Variants in OR51A2 observed in about 807,000 individuals in gnomAD.
OR51A2 encodes the protein olfactory receptor 51A2.
For missense variants in OR51A2, 111 were observed against 365.9 expected (o/e 0.30, Z 5.68); for synonymous variants, 55 against 139.1 (o/e 0.40, Z 4.25).
At position 4,955,440 on chromosome 11, in the gene OR51A2, G is replaced by T; in HGVS notation, c.274C>A (p.Pro92Thr). 1 of 1,179,448 alleles carries T rather than the reference G, an allele frequency of 8.5e-7. No individual in the cohort carries two copies. The highest frequency in any genetic ancestry group is 1.3e-5 in the South Asian group (1 of 78,082). The allele number at this position is 1,179,448 out of a possible 1,614,324, so 73.1% of individuals were successfully genotyped here. Reference sequence around the variant, plus strand: ...AAGCAGGCACTAGAAGAAGTTTCAGGGGCATTGAACAGGAAGATGCTTAAC... The same window carrying T: ...AAGCAGGCACTAGAAGAAGTTTCAGTGGCATTGAACAGGAAGATGCTTAAC... Reference protein sequence around the residue: ...TVLSIFLFNAPETSSSACFAQ... With the variant: ...TVLSIFLFNATETSSSACFAQ... The change falls in exon 1 of 1, where the codon CCT becomes ACT. Residue 92 changes from proline to threonine, a missense_variant. Coordinates refer to ENST00000380371, the MANE Select transcript of OR51A2 (RefSeq NM_001004748.1).
Position 4,955,512 on chromosome 11 carries a change from A to G in OR51A2, c.202T>C (p.Leu68=). The G allele has an allele frequency of 7.6e-7, 1 of 1,315,200 alleles. No individual in the cohort carries two copies. Among genetic ancestry groups the G allele is most frequent in the Non-Finnish European group, 1.1e-6 (1 of 932,520 alleles). The allele number at this position is 1,315,200 out of a possible 1,614,324, so 81.5% of individuals were successfully genotyped here. A position where few individuals can be genotyped will look rare whatever the true frequency, so the allele number is the denominator to read the frequency against. ...GACAAACCCAAGTCTGACATAGCCA[A>G]CATGGAAAGAAAATAGTACATGGGC... The part of the protein sequence containing the change: ...HGPMYYFLSM[L]AMSDLGLSLS... Residue 68 remains leucine, a synonymous_variant, in exon 1 of 1, where the codon TTG becomes CTG. Transcript: ENST00000380371.
rs143964649 is a variant in OR51A2, at chr11:4,955,201, G to T, written c.513C>A (p.Cys171Ter). ...AGGAATGGGATAATTGGTTTTTCTT[G>T]CAATATCTCAAGCTTCTTAAAGTGA... Reference protein sequence around the residue: ...FPFTLRSLRYCKKNQLSHSYC... With the variant: ...FPFTLRSLRY The change falls in exon 1 of 1, where the codon TGC (cysteine) becomes TGA (stop). Residue 171 changes from cysteine to a stop codon, truncating the protein, a stop_gained. Transcript: ENST00000380371. LOFTEE classifies it low-confidence loss of function (END_TRUNC). 7.8e-6 allele frequency: 10 copies of T among 1,284,244 alleles called. 1 individual carries two copies. The African/African-American group carries it at 1.4e-4, about 18-fold the overall frequency. The allele number at this position is 1,284,244 out of a possible 1,614,324, so 79.6% of individuals were successfully genotyped here.
At position 4,954,923 on chromosome 11, in the gene OR51A2, C is replaced by A. The variant is rs61744535; in HGVS notation, c.791G>T (p.Arg264Leu). The A allele has an allele frequency of 1.6e-4, 192 of 1,176,746 alleles. 52 individuals carry two copies. The highest frequency in any genetic ancestry group is 2.2e-4 in the Non-Finnish European group (186 of 827,236). 72.9% of individuals were successfully genotyped at this position (1,176,746 alleles called of 1,614,324 possible). ...GAGGGGAGAGACATGCCCGGCAAAGCGGTGGACAACGGCCAGGTTGATGAT... is the reference window on the plus strand; with the variant it reads ...GAGGGGAGAGACATGCCCGGCAAAGAGGTGGACAACGGCCAGGTTGATGAT... ...LPIINLAVVH[R>L]FAGHVSPLIN... The change falls in exon 1 of 1, where the codon CGC (arginine) becomes CTC (leucine). Residue 264 changes from arginine to leucine, a missense_variant. By Grantham distance (102) the Arg-to-Leu change is moderately radical (BLOSUM62 -2). Transcript: ENST00000380371.
Position 4,955,255 on chromosome 11 carries a change from C to G in OR51A2, c.459G>C (p.Lys153Asn). The G allele has an allele frequency of 7.9e-7, 1 of 1,271,500 alleles. No individual in the cohort carries two copies. The highest frequency in any genetic ancestry group is 1.1e-6 in the Non-Finnish European group (1 of 911,050). 78.8% of individuals were successfully genotyped at this position (1,271,500 alleles called of 1,614,324 possible). A position where few individuals can be genotyped will look rare whatever the true frequency, so the allele number is the denominator to read the frequency against. ...GGAAGGGAAGAACCAGGAGCATGCT[C>G]TTAAAGGAGAATACTATCCCTATTT... ...VAQIGIVFSF[K>N]SMLLVLPFPF... The change falls in exon 1 of 1, where the codon AAG (lysine) becomes AAC (asparagine). Residue 153 changes from lysine to asparagine, a missense_variant. Lys to Asn is a moderately conservative substitution (Grantham distance 94). Transcript: ENST00000380371.
At position 4,955,075 on chromosome 11, in the gene OR51A2, A is replaced by C. The variant is rs761242251; in HGVS notation, c.639T>G (p.Ile213Met). 6.9e-7 allele frequency: 1 copy of C among 1,450,192 alleles called. No individual in the cohort carries two copies. The highest frequency in any genetic ancestry group is 9.4e-7 in the Non-Finnish European group (1 of 1,063,038). 89.8% of individuals were successfully genotyped at this position (1,450,192 alleles called of 1,614,324 possible). ...TCAGGGTGTAAGACACAGCAATGAG[A>C]ATAAAGTCTACCATAAGGCAGAGTG... ...FGALCLMVDF[I>M]LIAVSYTLIL... Residue 213 changes from isoleucine (I) to methionine (M), a missense_variant, in exon 1 of 1, where the codon ATT (isoleucine) becomes ATG (methionine). Transcript: ENST00000380371.
rs747000247 is a variant in OR51A2 at position 4,955,038 on chromosome 11, C to G, written c.676G>C (p.Val226Leu). 2 of 1,450,668 alleles carry G rather than the reference C, an allele frequency of 1.4e-6. No homozygotes were observed. Among genetic ancestry groups the G allele is most frequent in the African/African-American group, 1.5e-5 (1 of 68,210 alleles). 89.9% of individuals were successfully genotyped at this position (1,450,668 alleles called of 1,614,324 possible). ...AVSYTLILKTVPGIASKKEEL... is the reference protein window; with the variant it reads ...AVSYTLILKTLPGIASKKEEL... ...TCCTTTTTGGATGCAATTCCCGGTACAGTCTTGAGGATCAGGGTGTAAGAC... is the reference window on the plus strand; with the variant it reads ...TCCTTTTTGGATGCAATTCCCGGTAGAGTCTTGAGGATCAGGGTGTAAGAC... The change falls in exon 1 of 1, where the codon GTA (valine) becomes CTA (leucine). Residue 226 changes from valine to leucine, a missense_variant. Transcript: ENST00000380371.
chr11:4,955,026 C>G lies in OR51A2; in HGVS notation c.688G>C (p.Ala230Pro). The G allele has an allele frequency of 7.0e-7, 1 of 1,437,842 alleles. No individual in the cohort carries two copies. Among genetic ancestry groups the G allele is most frequent in the Non-Finnish European group, 9.5e-7 (1 of 1,051,684 alleles). The allele number at this position is 1,437,842 out of a possible 1,614,324, so 89.1% of individuals were successfully genotyped here. A position where few individuals can be genotyped will look rare whatever the true frequency, so the allele number is the denominator to read the frequency against. ...GCCTTAAGCTCCTCCTTTTTGGATG[C>G]AATTCCCGGTACAGTCTTGAGGATC... ...TLILKTVPGI[A>P]SKKEELKALN... The change falls in exon 1 of 1, where the codon GCA (alanine) becomes CCA (proline). Residue 230 changes from alanine (A) to proline (P), a missense_variant. Coordinates refer to ENST00000380371, the MANE Select transcript of OR51A2 (RefSeq NM_001004748.1).
Position 4,955,003 on chromosome 11 carries a change from C to T in OR51A2, c.711G>A (p.Lys237=). Residue 237 remains lysine (K), a synonymous_variant, in exon 1 of 1, where the codon AAG becomes AAA. Coordinates refer to ENST00000380371, the MANE Select transcript of OR51A2 (RefSeq NM_001004748.1). Reference sequence around the variant, plus strand: ...TGTGTGAAACACAAGTATTGAGAGCCTTAAGCTCCTCCTTTTTGGATGCAA... The same window carrying T: ...TGTGTGAAACACAAGTATTGAGAGCTTTAAGCTCCTCCTTTTTGGATGCAA... ...PGIASKKEEL[K]ALNTCVSHIC... 1 of 1,376,754 alleles carries T rather than the reference C, an allele frequency of 7.3e-7. No homozygotes were observed. The highest frequency in any genetic ancestry group is 1.2e-5 in the South Asian group (1 of 85,008). The allele number at this position is 1,376,754 out of a possible 1,614,324, so 85.3% of individuals were successfully genotyped here.
rs1339224724 is a variant in OR51A2 at position 4,955,170 on chromosome 11, G to A, written c.544C>T (p.Leu182Phe). ...KKNQLSHSYC[L>F]HQDVMKLACS... ...GCCAACTTCATGACATCCTGGTGGA[G>A]ACAGTAGGAATGGGATAATTGGTTT... Residue 182 changes from leucine to phenylalanine, a missense_variant, in exon 1 of 1, where the codon CTC (leucine) becomes TTC (phenylalanine). Physicochemically the swap from Leu to Phe is conservative, Grantham distance 22 (BLOSUM62 0). Transcript: ENST00000380371. 7.6e-7 allele frequency: 1 copy of A among 1,319,360 alleles called. No individual in the cohort carries two copies. The highest frequency in any genetic ancestry group is 1.6e-5 in the African/African-American group (1 of 64,060). 81.7% of individuals were successfully genotyped at this position (1,319,360 alleles called of 1,614,324 possible).
rs548913055 is a variant in OR51A2 at position 4,955,508 on chromosome 11, G to C, written c.206C>G (p.Ala69Gly). 1 of 1,313,222 alleles carries C rather than the reference G, an allele frequency of 7.6e-7. No homozygotes were observed. The highest frequency in any genetic ancestry group is 1.1e-6 in the Non-Finnish European group (1 of 931,832). 81.3% of individuals were successfully genotyped at this position (1,313,222 alleles called of 1,614,324 possible). The change falls in exon 1 of 1, where the codon GCT becomes GGT. Residue 69 changes from alanine to glycine, a missense_variant. Coordinates refer to ENST00000380371, the MANE Select transcript of OR51A2 (RefSeq NM_001004748.1). ...TAAAGACAAACCCAAGTCTGACATA[G>C]CCAACATGGAAAGAAAATAGTACAT... Reference protein sequence around the residue: ...GPMYYFLSMLAMSDLGLSLSS... With the variant: ...GPMYYFLSMLGMSDLGLSLSS...
Position 4,955,369 on chromosome 11 carries a change from T to G in OR51A2, c.345A>C (p.Ser115=). ...FIHGFSVLES[S]VLLIMSFDRF... ...TATCAAATGACATGATCAGGAGGACTGAGGACTCCAGTACTGAGAATCCAT... is the reference window on the plus strand; with the variant it reads ...TATCAAATGACATGATCAGGAGGACGGAGGACTCCAGTACTGAGAATCCAT... The change falls in exon 1 of 1, where the codon TCA becomes TCC. Residue 115 remains serine (S), a synonymous_variant. Coordinates refer to ENST00000380371, the MANE Select transcript of OR51A2 (RefSeq NM_001004748.1). 8.2e-7 allele frequency: 1 copy of G among 1,223,478 alleles called. No homozygotes were observed. The highest frequency in any genetic ancestry group is 1.1e-6 in the Non-Finnish European group (1 of 878,848). The allele number at this position is 1,223,478 out of a possible 1,614,324, so 75.8% of individuals were successfully genotyped here.
rs1379284595 is a variant in OR51A2, at chr11:4,954,877, A to G, written c.837T>C (p.Asn279=). The stretch of plus-strand genomic sequence containing the variant: ...TCAGCGGAGGTACAAGTAGGAGAAC[A>G]TTTGCCATGAGAACATTAATGAGGG... The part of the protein sequence containing the change: ...VSPLINVLMA[N]VLLLVPPLMK... The change falls in exon 1 of 1, where the codon AAT becomes AAC. Residue 279 remains asparagine, a synonymous_variant. Coordinates refer to ENST00000380371, the MANE Select transcript of OR51A2 (RefSeq NM_001004748.1). 26 of 1,122,162 alleles carry G rather than the reference A, an allele frequency of 2.3e-5. 10 individuals carry two copies. Among genetic ancestry groups the G allele is most frequent in the Non-Finnish European group, 3.3e-5 (26 of 784,972 alleles). The allele number at this position is 1,122,162 out of a possible 1,614,324, so 69.5% of individuals were successfully genotyped here.
At position 4,955,243 on chromosome 11, in the gene OR51A2, C is replaced by G; in HGVS notation, c.471G>C (p.Leu157=). 7.9e-7 allele frequency: 1 copy of G among 1,270,574 alleles called. No individual in the cohort carries two copies. The highest frequency in any genetic ancestry group is 1.1e-6 in the Non-Finnish European group (1 of 910,702). 78.7% of individuals were successfully genotyped at this position (1,270,574 alleles called of 1,614,324 possible). The change falls in exon 1 of 1, where the codon CTG becomes CTC. Residue 157 remains leucine, a synonymous_variant. Coordinates refer to ENST00000380371, the MANE Select transcript of OR51A2 (RefSeq NM_001004748.1). ...TTAAAGTGAAAGGGAAGGGAAGAAC[C>G]AGGAGCATGCTCTTAAAGGAGAATA... The part of the protein sequence containing the change: ...GIVFSFKSML[L]VLPFPFTLRS...
rs531127344 is a variant in OR51A2, at chr11:4,955,551, G to T, written c.163C>A (p.Pro55Thr). 1.5e-6 allele frequency: 2 copies of T among 1,353,168 alleles called. No individual in the cohort carries two copies. The highest frequency in any genetic ancestry group is 1.5e-5 in the African/African-American group (1 of 68,392). The allele number at this position is 1,353,168 out of a possible 1,614,324, so 83.8% of individuals were successfully genotyped here. The change falls in exon 1 of 1, where the codon CCC (proline) becomes ACC (threonine). Residue 55 changes from proline to threonine, a missense_variant. Transcript: ENST00000380371. Reference sequence around the variant, plus strand: ...TAGTACATGGGCCCATGCAAGGAGGGCTCTGTCTTGATGATAAAAAGAATG... The same window carrying T: ...TAGTACATGGGCCCATGCAAGGAGGTCTCTGTCTTGATGATAAAAAGAATG... ...GTILFIIKTE[P>T]SLHGPMYYFL...
At position 4,954,835 on chromosome 11, in the gene OR51A2, A is replaced by G; in HGVS notation, c.879T>C (p.Tyr293=). The G allele has an allele frequency of 9.1e-7, 1 of 1,104,766 alleles. No individual in the cohort carries two copies. Among genetic ancestry groups the G allele is most frequent in the Non-Finnish European group, 1.3e-6 (1 of 774,254 alleles). The allele number at this position is 1,104,766 out of a possible 1,614,324, so 68.4% of individuals were successfully genotyped here. A position where few individuals can be genotyped will look rare whatever the true frequency, so the allele number is the denominator to read the frequency against. The change falls in exon 1 of 1, where the codon TAT becomes TAC. Residue 293 remains tyrosine, a synonymous_variant. Coordinates refer to ENST00000380371, the MANE Select transcript of OR51A2 (RefSeq NM_001004748.1). ...LVPPLMKPIV[Y]CVKTKQIRVR... The stretch of plus-strand genomic sequence containing the variant: ...CTCTAATCTGTTTAGTTTTTACACA[A>G]TAAACAATTGGTTTCATCAGCGGAG...
At position 4,955,254 on chromosome 11, in the gene OR51A2, T is replaced by C; in HGVS notation, c.460A>G (p.Ser154Gly). The part of the protein sequence containing the change: ...AQIGIVFSFK[S>G]MLLVLPFPFT... ...GGGAAGGGAAGAACCAGGAGCATGC[T>C]CTTAAAGGAGAATACTATCCCTATT... Residue 154 changes from serine (S) to glycine (G), a missense_variant, in exon 1 of 1, where the codon AGC (serine) becomes GGC (glycine). By Grantham distance (56) the Ser-to-Gly change is moderately conservative. Coordinates refer to ENST00000380371, the MANE Select transcript of OR51A2 (RefSeq NM_001004748.1). 1.6e-6 allele frequency: 2 copies of C among 1,270,882 alleles called. No homozygotes were observed. Among genetic ancestry groups the C allele is most frequent in the South Asian group, 1.2e-5 (1 of 83,102 alleles). The allele number at this position is 1,270,882 out of a possible 1,614,324, so 78.7% of individuals were successfully genotyped here.
Position 4,954,855 on chromosome 11 carries a change from G to C in OR51A2, c.859C>G (p.Leu287Val), listed in dbSNP as rs2133613919. 1.8e-6 allele frequency: 2 copies of C among 1,106,070 alleles called. 1 individual carries two copies. Among genetic ancestry groups the C allele is most frequent in the East Asian group, 5.8e-5 (2 of 34,654 alleles). 68.5% of individuals were successfully genotyped at this position (1,106,070 alleles called of 1,614,324 possible). The change falls in exon 1 of 1, where the codon CTG becomes GTG. Residue 287 changes from leucine (L) to valine (V), a missense_variant. Coordinates refer to ENST00000380371, the MANE Select transcript of OR51A2 (RefSeq NM_001004748.1). ...ACACAATAAACAATTGGTTTCATCA[G>C]CGGAGGTACAAGTAGGAGAACATTT... ...MANVLLLVPP[L>V]MKPIVYCVKT...
rs764945922 is a variant in OR51A2, at chr11:4,954,972, C to A, written c.742G>T (p.Ala248Ser). ...ATGGGCAGGTAGAAGATGATCACTGCACAGATGTGTGAAACACAAGTATTG... is the reference window on the plus strand; with the variant it reads ...ATGGGCAGGTAGAAGATGATCACTGAACAGATGTGTGAAACACAAGTATTG... ...ALNTCVSHIC[A>S]VIIFYLPIIN... The change falls in exon 1 of 1, where the codon GCA becomes TCA. Residue 248 changes from alanine (A) to serine (S), a missense_variant. Coordinates refer to ENST00000380371, the MANE Select transcript of OR51A2 (RefSeq NM_001004748.1). 3.0e-6 allele frequency: 4 copies of A among 1,354,630 alleles called. 1 individual carries two copies. Among genetic ancestry groups the A allele is most frequent in the Non-Finnish European group, 4.1e-6 (4 of 979,560 alleles). The allele number at this position is 1,354,630 out of a possible 1,614,324, so 83.9% of individuals were successfully genotyped here. A position where few individuals can be genotyped will look rare whatever the true frequency, so the allele number is the denominator to read the frequency against.
Position 4,955,039 on chromosome 11 carries a change from A to G in OR51A2, c.675T>C (p.Thr225=), listed in dbSNP as rs1410494018. 6.9e-7 allele frequency: 1 copy of G among 1,451,334 alleles called. No homozygotes were observed. Among genetic ancestry groups the G allele is most frequent in the Admixed American group, 2.1e-5 (1 of 47,564 alleles). 89.9% of individuals were successfully genotyped at this position (1,451,334 alleles called of 1,614,324 possible). ...CCTTTTTGGATGCAATTCCCGGTACAGTCTTGAGGATCAGGGTGTAAGACA... is the reference window on the plus strand; with the variant it reads ...CCTTTTTGGATGCAATTCCCGGTACGGTCTTGAGGATCAGGGTGTAAGACA... ...IAVSYTLILK[T]VPGIASKKEE... Residue 225 remains threonine (T), a synonymous_variant, in exon 1 of 1, where the codon ACT becomes ACC. Coordinates refer to ENST00000380371, the MANE Select transcript of OR51A2 (RefSeq NM_001004748.1).
Sources: gnomAD v4.1 joint callset for allele counts on GRCh38, gnomAD v4.1.1 for gene constraint, MANE v1.5 for transcripts, NCBI Gene and HGNC (gene_info 2026-07-23, HGNC 2026-07-21) for gene names.